Variants in CIAO3 observed in about 807,000 individuals in gnomAD.
CIAO3 encodes the protein LET1 like/JFP15.
Under a neutral mutation model 51.5 loss-of-function variants are expected in CIAO3, and 45 were observed. That is an observed-to-expected ratio of 0.87 (90% CI 0.69 to 1.12). CIAO3 has a LOEUF of 1.12. Ranked by LOEUF, CIAO3 falls within the 50% of genes most tolerant of loss-of-function variation. The probability of loss-of-function intolerance (pLI) is 0.00; values close to 1 mark genes in which losing one functional copy is unlikely to be tolerated. For synonymous variants in CIAO3, 314 were observed against 269.3 expected (o/e 1.17, Z -1.63); for missense variants, 668 against 632.5 (o/e 1.06, Z -0.60).
chr16:736,431 G>C (rs1462624081), intron 3 of CIAO3, 33 bp from the exon 4 acceptor site: 1 of 1,611,096 alleles, frequency 6.2e-7, no homozygotes, highest in Non-Finnish European at 8.5e-7. Flanking sequence ...TGCTTACTCT[G>C]CTGGCCTTAT....
Position 737,857 on chromosome 16 carries a change from G to A in CIAO3, c.163-528C>T, listed in dbSNP as rs1285063687. 9.3e-6 allele frequency: 11 copies of A among 1,182,512 alleles called. No individual in the cohort carries two copies. In the African/African-American group the frequency reaches 1.3e-4, roughly 14 times the overall value. The allele number at this position is 1,182,512 out of a possible 1,614,324, so 73.3% of individuals were successfully genotyped here. A position where few individuals can be genotyped will look rare whatever the true frequency, so the allele number is the denominator to read the frequency against. The stretch of plus-strand genomic sequence containing the variant: ...GATGCAGGAACAAGGTGTTCCAGTC[G>A]GGGGCCTCCGGGACATGCCTCAGCA... On this transcript the variant is annotated intron_variant, in intron 2 of 10. Coordinates refer to ENST00000251588, the MANE Select transcript of CIAO3 (RefSeq NM_022493.3). This position sits in a 1 kb window ranked among gnomAD's most constrained non-coding sequence, Gnocchi z 5.3.
At chr16:735,080 C>A (rs1195122619) in intron 4 of CIAO3, 1 of 594,164 alleles carries the variant, frequency 1.7e-6, no homozygotes, top group Non-Finnish European at 2.7e-6. Flanking sequence ...GCCACGTTGC[C>A]TCGGCATCCC....
chr16:740,140 AC>A, intron 1 of CIAO3: 1 of 1,291,708 alleles, frequency 7.7e-7, no homozygotes, highest in South Asian at 1.2e-5. Context: ...TGCCCGGGAA[AC>A]AAGTGGATTT....
At chr16:738,634 G>C (rs901736047) in intron 2 of CIAO3, among the ~76,000 whole-genome samples, 1 of 151,386 alleles carries the variant, frequency 6.6e-6, no homozygotes, top group Non-Finnish European at 1.5e-5. Flanking sequence ...TTACAGGCCT[G>C]AGCCACCGCG....
intron 3 of CIAO3, among the ~76,000 whole-genome samples, 179 bp from the exon 4 acceptor site, chr16:736,577 C>T (rs552818599): frequency 1.6e-4 from 24 of 151,592 alleles, no homozygotes; most frequent in Middle Eastern, 3.4e-3. Flanking sequence ...TGCAGTGGTG[C>T]GATCGGAGCT....
rs1423006670 is a variant in CIAO3, at chr16:740,664, C to A, written c.66+256G>T. 1.5e-5 allele frequency: 8 copies of A among 531,922 alleles called. No individual in the cohort carries two copies. The South Asian group carries it at 1.8e-4, about 12-fold the overall frequency. The allele number at this position is 531,922 out of a possible 1,614,324, so 33.0% of individuals were successfully genotyped here. On this transcript the variant is annotated intron_variant, in intron 1 of 10. Coordinates refer to ENST00000251588, the MANE Select transcript of CIAO3 (RefSeq NM_022493.3). ...GCGACCACGGGACCCTCCCACGCAGCCCGCCCGGACACCATGGGGCACAGG... is the reference window on the plus strand; with the variant it reads ...GCGACCACGGGACCCTCCCACGCAGACCGCCCGGACACCATGGGGCACAGG...
chr16:740,790 G>A, intron 1 of CIAO3, 130 bp downstream of exon 1: 1 of 951,502 alleles, frequency 1.1e-6, no homozygotes, highest in Non-Finnish European at 1.6e-6. Context: ...TAGAGTCCCT[G>A]ACGGCCCAGA....
chr16:737,213 C>G lies in CIAO3; in HGVS notation c.279G>C (p.Glu93Asp), dbSNP rs748575949. Reference sequence around the variant, plus strand: ...TGTTAGCATCTAGAACCTTCTTCAGCTCCTCGTGGCTCTGCTGGGTGATAA... The same window carrying G: ...TGTTAGCATCTAGAACCTTCTTCAGGTCCTCGTGGCTCTGCTGGGTGATAA... Reference protein sequence around the residue: ...TVLITQQSHEELKKVLDANKM... With the variant: ...TVLITQQSHEDLKKVLDANKM... The change falls in exon 3 of 11, where the codon GAG (glutamate) becomes GAC (aspartate). Residue 93 changes from glutamate (E) to aspartate (D), a missense_variant. Coordinates refer to ENST00000251588, the MANE Select transcript of CIAO3 (RefSeq NM_022493.3). The surrounding 1 kb of genome is among the most constrained non-coding windows in gnomAD (Gnocchi z 5.3). The G allele has an allele frequency of 6.2e-7, 1 of 1,613,784 alleles. No homozygotes were observed. Among genetic ancestry groups the G allele is most frequent in the Non-Finnish European group, 8.5e-7 (1 of 1,180,014 alleles).
chr16:734,464 TAA>T, intron 5 of CIAO3, 117 bp from the exon 6 acceptor site: 1 of 841,842 alleles, frequency 1.2e-6, no homozygotes, highest in Non-Finnish European at 1.9e-6. Context: ...ATGATGACAT[TAA>T]AGAGTGCTCA....
intron 3 of CIAO3, 149 bp from the exon 4 acceptor site, chr16:736,547 C>T (rs1006773526): frequency 2.7e-5 from 27 of 1,015,510 alleles, no homozygotes; most frequent in Admixed American, 8.4e-5. Context: ...CAGAGTCTCA[C>T]TCTGTTGCCC....
intron 2 of CIAO3, among the ~76,000 whole-genome samples, chr16:738,884 C>T (rs901764493): frequency 2.2e-5 from 3 of 134,602 alleles, no homozygotes; most frequent in African/African-American, 1.0e-4. Context: ...GGTGATCCGC[C>T]CCCCCTACCC....
In CIAO3 at chr16:737,497, C is replaced by G; in HGVS notation, c.163-168G>C. 6.6e-7 allele frequency: 1 copy of G among 1,520,984 alleles called. No homozygotes were observed. 94.2% of individuals were successfully genotyped at this position (1,520,984 alleles called of 1,614,324 possible). ...TATGTATTACAAAAATGCACACGCA[C>G]GCTCTACAGTTTCATAATGCCGTCA... On this transcript the variant is annotated intron_variant, in intron 2 of 10. Transcript: ENST00000251588. This position sits in a 1 kb window ranked among gnomAD's most constrained non-coding sequence, Gnocchi z 5.3.
In CIAO3 at chr16:739,857, A is replaced by C. The variant is rs1395548458; in HGVS notation, c.67-119T>G. Reference sequence around the variant, plus strand: ...CTGAAGGCTCTGCCAGGAGCCATGCACTCAGGGACTGAGGCTGGTCCCACC... The same window carrying C: ...CTGAAGGCTCTGCCAGGAGCCATGCCCTCAGGGACTGAGGCTGGTCCCACC... On this transcript the variant is annotated intron_variant, in intron 1 of 10. Coordinates refer to ENST00000251588, the MANE Select transcript of CIAO3 (RefSeq NM_022493.3). 8 of 1,245,546 alleles carry C rather than the reference A, an allele frequency of 6.4e-6. No individual in the cohort carries two copies. In the African/African-American group the frequency reaches 1.2e-4, roughly 18 times the overall value. 77.2% of individuals were successfully genotyped at this position (1,245,546 alleles called of 1,614,324 possible). A position where few individuals can be genotyped will look rare whatever the true frequency, so the allele number is the denominator to read the frequency against.
rs1289137967 is a variant in CIAO3 at position 737,361 on chromosome 16, C to T, written c.163-32G>A. ...GGGAGAAGAACCCGGTGCACAGGGG[C>T]CCCCTCTGCACGAGGACATGGAGAC... is the stretch of plus-strand genomic sequence containing the variant. On this transcript the variant is annotated intron_variant, in intron 2 of 10. Transcript: ENST00000251588. The surrounding 1 kb of genome is among the most constrained non-coding windows in gnomAD (Gnocchi z 5.3). 56 of 1,611,136 alleles carry T rather than the reference C, an allele frequency of 3.5e-5. No homozygotes were observed. Among genetic ancestry groups the T allele is most frequent in the Non-Finnish European group, 4.7e-5 (55 of 1,179,184 alleles).
chr16:734,334 A>AT lies in CIAO3; in HGVS notation c.587dup (p.Tyr196Ter). 1.2e-6 allele frequency: 2 copies of AT among 1,610,524 alleles called. No homozygotes were observed. Among genetic ancestry groups the AT allele is most frequent in the Non-Finnish European group, 8.5e-7 (1 of 1,179,530 alleles). ...TGAAGCTGCCGTGAGTCTTCTCGGC[A>AT]TAGCAGATCCAGCCTGAGGTGACAG... ...LASACPGWIC[Y>*]AEKTHGSFIL... Residue 196 changes from tyrosine (Y) to a stop codon, truncating the protein, a stop_gained and frameshift_variant, in exon 6 of 11, where the codon TAT becomes TAAT. Coordinates refer to ENST00000251588, the MANE Select transcript of CIAO3 (RefSeq NM_022493.3). LOFTEE classifies it high-confidence loss of function.
intron 6 of CIAO3, 195 bp from the exon 7 acceptor site, chr16:733,622 A>G: frequency 1.4e-6 from 1 of 737,444 alleles, no homozygotes; most frequent in Non-Finnish European, 2.1e-6. Flanking sequence ...ACAGAAAATG[A>G]CACTGACCCA....
intron 8 of CIAO3, chr16:731,913 G>T: frequency 3.0e-6 from 2 of 656,546 alleles, no homozygotes; most frequent in Non-Finnish European, 2.5e-6. Context: ...CTGTCGCCCA[G>T]GCTGGAGTGC....
rs1253017192 is a variant in CIAO3 at position 737,394 on chromosome 16, AGTG to A, written c.163-68_163-66del. 1 of 1,602,006 alleles carries A rather than the reference AGTG, an allele frequency of 6.2e-7. No homozygotes were observed. The highest frequency in any genetic ancestry group is 2.2e-5 in the East Asian group (1 of 44,614). ...GCACGAGGACATGGAGACAGAGGAT[AGTG>A]GAGTCCAGCTCATAACCGACAACCA... On this transcript the variant is annotated intron_variant, in intron 2 of 10. Coordinates refer to ENST00000251588, the MANE Select transcript of CIAO3 (RefSeq NM_022493.3). This position sits in a 1 kb window ranked among gnomAD's most constrained non-coding sequence, Gnocchi z 5.3.
Position 736,518 on chromosome 16 carries a change from C to CTT in CIAO3, c.307-122_307-121dup, listed in dbSNP as rs57355119. On this transcript the variant is annotated intron_variant, in intron 3 of 10. Transcript: ENST00000251588. ...AGGGCAGGCCAGCTCCATCAAGAGT[C>CTT]TTTTTTTTTTTTTTAACACAGAGTC... 0.01 allele frequency: 10,223 copies of CTT among 985,094 alleles called. 657 individuals are homozygous for CTT. In the African/African-American group the frequency reaches 0.16, roughly 15 times the overall value. 61.0% of individuals were successfully genotyped at this position (985,094 alleles called of 1,614,324 possible).
Sources: gnomAD v4.1 joint callset for allele counts (sites outside exome capture counted in the v4.1 genomes callset) on GRCh38, gnomAD v4.1.1 for gene constraint, Gnocchi (gnomAD v3.1) non-coding constraint, MANE v1.5 for transcripts, NCBI Gene and HGNC (gene_info 2026-07-23, HGNC 2026-07-21) for gene names.